Variants in LAMA3 observed in about 807,000 individuals in gnomAD.
LAMA3 encodes the protein laminin subunit alpha 3, also known as laminin subunit alpha-3.
A neutral mutation model predicts 402.0 loss-of-function variants in LAMA3; 281 were observed. The observed-to-expected ratio is 0.70, with a 90% CI of 0.63 to 0.77. LAMA3 has a LOEUF of 0.77. Among genes scored for constraint, LAMA3 ranks in the 30% least tolerant of loss-of-function variants. The pLI is 0.00. For missense variants in LAMA3, 3,840 were observed against 4,215.5 expected, an observed-to-expected ratio of 0.91 and a Z score of 2.47; for synonymous variants, 1,431 against 1,558.4, an observed-to-expected ratio of 0.92 and a Z score of 1.93.
chr18:23,901,280 A>G lies in LAMA3; in HGVS notation c.6158A>G (p.Asn2053Ser), dbSNP rs141145607. Residue 2053 changes from asparagine to serine, a missense_variant, in exon 48 of 75, where the codon AAT (asparagine) becomes AGT (serine). Physicochemically the swap from Asn to Ser is conservative, Grantham distance 46. Transcript: ENST00000313654. ...GCAGCTGCCCAAGCCAAGCAGGCAA[A>G]TGGCTTGAACCAAGAAAACGAGAGA... Reference protein sequence around the residue: ...QEAAAQAKQANGLNQENERAL... With the variant: ...QEAAAQAKQASGLNQENERAL... 26 of 1,614,192 alleles carry G rather than the reference A, an allele frequency of 1.6e-5. No homozygotes were observed. The African/African-American group carries it at 2.8e-4, about 17-fold the overall frequency.
intron 6 of LAMA3, 85 bp downstream of exon 6, chr18:23,753,897 T>C: frequency 1.1e-6 from 1 of 902,190 alleles, no homozygotes; most frequent in Non-Finnish European, 1.8e-6. Context: ...GTTAAATGTT[T>C]CTAGGTTCCT....
At chr18:23,943,220 A>C (rs965651450) in intron 68 of LAMA3, among the ~76,000 whole-genome samples, 12 of 152,222 alleles carry the variant, frequency 7.9e-5, no homozygotes, top group African/African-American at 2.9e-4. Flanking sequence ...TTCCACTTAC[A>C]TGAGGTATCT....
chr18:23,763,649 C>G, intron 8 of LAMA3, 126 bp downstream of exon 8: 1 of 755,862 alleles, frequency 1.3e-6, no homozygotes, highest in Non-Finnish European at 2.5e-6. Context: ...ACCATTTCTC[C>G]ACTGTTGCTC....
intron 18 of LAMA3, among the ~76,000 whole-genome samples, chr18:23,817,211 G>A (rs920691382): frequency 6.6e-6 from 1 of 152,140 alleles, no homozygotes; most frequent in Non-Finnish European, 1.5e-5. Context: ...AGGAACTATG[G>A]TATTGTTCCA....
intron 41 of LAMA3, among the ~76,000 whole-genome samples, chr18:23,886,200 T>G (rs1000909715): frequency 6.6e-6 from 1 of 152,226 alleles, no homozygotes; most frequent in African/African-American, 2.4e-5. Context: ...AAGTGGATTC[T>G]TTGGGTCAGA....
intron 57 of LAMA3, 29 bp downstream of exon 57, chr18:23,914,590 T>C: frequency 6.2e-7 from 1 of 1,612,956 alleles, no homozygotes; most frequent in Non-Finnish European, 8.5e-7. Flanking sequence ...GTACCTGTGC[T>C]CACCAAACTT....
chr18:23,800,553 C>T (rs2062848618), intron 12 of LAMA3, among the ~76,000 whole-genome samples: 1 of 152,152 alleles, frequency 6.6e-6, no homozygotes, highest in Non-Finnish European at 1.5e-5. Context: ...AAAATCCTCT[C>T]TTCTAGTTTT....
chr18:23,876,502 G>A (rs879093109), intron 39 of LAMA3, 95 bp downstream of exon 39: 21 of 794,874 alleles, frequency 2.6e-5, no homozygotes, highest in South Asian at 1.7e-4. Context: ...TACATCTCCC[G>A]CCAAACCCTA....
chr18:23,931,233 G>C (rs1360774111), intron 65 of LAMA3, 32 bp downstream of exon 65: 29 of 1,599,470 alleles, frequency 1.8e-5, no homozygotes, highest in Non-Finnish European at 2.3e-5. Context: ...TCAGAGCTGT[G>C]AGTGAGTTTT....
intron 32 of LAMA3, among the ~76,000 whole-genome samples, chr18:23,848,994 C>T (rs944126112): frequency 3.3e-5 from 5 of 152,182 alleles, no homozygotes; most frequent in South Asian, 2.1e-4. Flanking sequence ...CCTCTCTGTA[C>T]GTGTCTCTGT....
rs1291395325 is a variant in LAMA3, at chr18:23,775,752, A to C, written c.1274-40A>C. ...GGAACATATTTGCTTTGTTAAGTGC[A>C]GTGAAGGACGGATCCTTTGAAAACT... On this transcript the variant is annotated intron_variant, in intron 9 of 74. Coordinates refer to ENST00000313654, the MANE Select transcript of LAMA3 (RefSeq NM_198129.4). 3.1e-6 allele frequency: 5 copies of C among 1,612,898 alleles called. No individual in the cohort carries two copies. The South Asian group carries it at 5.5e-5, about 18-fold the overall frequency.
At chr18:23,846,871 T>G (rs2063827671) in intron 31 of LAMA3, among the ~76,000 whole-genome samples, 1 of 152,196 alleles carries the variant, frequency 6.6e-6, no homozygotes, top group Non-Finnish European at 1.5e-5. Context: ...CCTTCCATTT[T>G]TTTGGCCCAA....
In LAMA3 at chr18:23,837,054, A is replaced by G. The variant is rs1028843760; in HGVS notation, c.3058A>G (p.Ile1020Val). The G allele has an allele frequency of 5.6e-6, 9 of 1,613,682 alleles. No individual in the cohort carries two copies. In the African/African-American group the frequency reaches 6.7e-5, roughly 12 times the overall value. ...AMYELLADAD[I>V]QLKGHMARFL... ...GTATGAGCTATTGGCAGATGCAGACATTCAGCTCAAGGGACACATGGCCCG... is the reference window on the plus strand; with the variant it reads ...GTATGAGCTATTGGCAGATGCAGACGTTCAGCTCAAGGGACACATGGCCCG... Residue 1020 changes from isoleucine to valine, a missense_variant, in exon 25 of 75, where the codon ATT (isoleucine) becomes GTT (valine). Physicochemically the swap from Ile to Val is conservative, Grantham distance 29 (BLOSUM62 3). This residue lies in a region of LAMA3 where 2,109 missense variants were observed against 2,376.0 expected (regional missense o/e 0.89). Transcript: ENST00000313654.
chr18:23,822,987 A>G (rs1378916795), intron 20 of LAMA3, among the ~76,000 whole-genome samples: 3 of 152,238 alleles, frequency 2.0e-5, no homozygotes, highest in Non-Finnish European at 2.9e-5. Flanking sequence ...TGTCCTGGAA[A>G]CAGATTCCAA....
intron 1 of LAMA3, among the ~76,000 whole-genome samples, chr18:23,691,809 C>T (rs1187282443): frequency 6.6e-6 from 1 of 152,164 alleles, no homozygotes; most frequent in African/African-American, 2.4e-5. Flanking sequence ...TGGGCTCAAG[C>T]GATCTGCCCA....
At chr18:23,749,660 T>C in intron 4 of LAMA3, 114 bp downstream of exon 4, 2 of 786,140 alleles carry the variant, frequency 2.5e-6, no homozygotes, top group Non-Finnish European at 2.3e-6. Flanking sequence ...TAGATCAAGA[T>C]GGAAACAGGG....
At chr18:23,815,637 C>A in intron 17 of LAMA3, 64 bp downstream of exon 17, 1 of 1,104,504 alleles carries the variant, frequency 9.1e-7, no homozygotes, top group Non-Finnish European at 1.4e-6. Flanking sequence ...GTCTAAATAA[C>A]ATTTCTTCTG....
intron 2 of LAMA3, among the ~76,000 whole-genome samples, chr18:23,724,957 C>G (rs1442469622): frequency 6.6e-6 from 1 of 152,180 alleles, no homozygotes; most frequent in Non-Finnish European, 1.5e-5. Flanking sequence ...TTCCTTCACT[C>G]TTTCCTTCCT....
chr18:23,818,692 C>A (rs1408034212), intron 18 of LAMA3, among the ~76,000 whole-genome samples: 1 of 152,200 alleles, frequency 6.6e-6, no homozygotes, highest in East Asian at 1.9e-4. Context: ...CTTCATTTCT[C>A]TACCCAGAGA....
Sources: gnomAD v4.1 joint callset for allele counts (sites outside exome capture counted in the v4.1 genomes callset) on GRCh38, gnomAD v4.1.1 for gene constraint, gnomAD v4.1.1 regional missense constraint, MANE v1.5 for transcripts, NCBI Gene and HGNC (gene_info 2026-07-23, HGNC 2026-07-21) for gene names.